Variants in SATB1 observed in about 807,000 individuals in gnomAD.
The protein encoded by SATB1 is DNA-binding protein SATB1.
Under a neutral mutation model 86.9 loss-of-function variants are expected in SATB1, and 11 were observed. The observed-to-expected ratio is 0.13, with a 90% CI of 0.08 to 0.21. The LOEUF is 0.21. Among genes scored for constraint, SATB1 ranks in the 10% least tolerant of loss-of-function variants. The probability of loss-of-function intolerance (pLI) is 1.00; values close to 1 mark genes in which losing one functional copy is unlikely to be tolerated. For missense variants in SATB1, 551 were observed against 937.6 expected, an observed-to-expected ratio of 0.59 and a Z score of 5.39; for synonymous variants, 357 against 357.2, an observed-to-expected ratio of 1.00 and a Z score of 0.01.
At chr3:18,431,889 G>A (rs1194424328) in intron 2 of SATB1, among the ~76,000 whole-genome samples, 3 of 152,120 alleles carry the variant, frequency 2.0e-5, no homozygotes, top group Non-Finnish European at 4.4e-5. Flanking sequence ...ACTAGCATTT[G>A]GGCACTTGTT....
chr3:18,354,961 T>C (rs1365208267), intron 9 of SATB1, among the ~76,000 whole-genome samples: 2 of 152,140 alleles, frequency 1.3e-5, no homozygotes, highest in Non-Finnish European at 2.9e-5. Context: ...TCCAGTAGTT[T>C]GCTATTAACC....
chr3:18,420,803 C>G lies in SATB1; in HGVS notation c.165G>C (p.Val55=). ...LGSTGAKMQG[V]PLKHSGHLMK... ...TCAGATGGCCCGAGTGTTTTAAAGG[C>G]ACTCCCTGCATTTTTGCACCTGTAC... is the stretch of plus-strand genomic sequence containing the variant. The change falls in exon 2 of 11, where the codon GTG becomes GTC. Residue 55 remains valine, a synonymous_variant. Coordinates refer to ENST00000338745, the MANE Select transcript of SATB1 (RefSeq NM_002971.6). The G allele has an allele frequency of 6.2e-7, 1 of 1,614,160 alleles. No individual in the cohort carries two copies. The highest frequency in any genetic ancestry group is 8.5e-7 in the Non-Finnish European group (1 of 1,180,040).
chr3:18,442,330 T>C (rs1006367754), upstream of SATB1, among the ~76,000 whole-genome samples: 2 of 152,196 alleles, frequency 1.3e-5, no homozygotes, highest in East Asian at 3.8e-4. Flanking sequence ...ATGTTAGATG[T>C]AGCATTATCC....
rs1694153473 is a variant in SATB1 at position 18,348,146 on chromosome 3, C to T, written c.*1024G>A. 6.6e-6 allele frequency: 1 copy of T among 152,490 alleles called. No individual in the cohort carries two copies. The highest frequency in any genetic ancestry group is 1.5e-5 in the Non-Finnish European group (1 of 67,996). The allele number at this position is 152,490 out of a possible 1,614,324, so 9.4% of individuals were successfully genotyped here. A position where few individuals can be genotyped will look rare whatever the true frequency, so the allele number is the denominator to read the frequency against. On this transcript the variant is annotated 3_prime_UTR_variant, in exon 11 of 11. Coordinates refer to ENST00000338745, the MANE Select transcript of SATB1 (RefSeq NM_002971.6). ...ATGTAGCTTTAAAATTGATTGTAAA[C>T]CAAAGGAAGACACATTGCAAACATC...
At chr3:18,392,008 C>T (rs1418647243) in intron 7 of SATB1, among the ~76,000 whole-genome samples, 2 of 152,144 alleles carry the variant, frequency 1.3e-5, no homozygotes, top group East Asian at 1.9e-4. Context: ...CAAACATCTT[C>T]AAATATGGCC....
chr3:18,436,375 G>A (rs895487980), intron 2 of SATB1, among the ~76,000 whole-genome samples: 2 of 152,010 alleles, frequency 1.3e-5, no homozygotes, highest in African/African-American at 4.8e-5. Context: ...AAGGAACTCA[G>A]GGGAGTGCTC....
At chr3:18,376,761 T>C (rs1333385373) in intron 9 of SATB1, among the ~76,000 whole-genome samples, 1 of 152,208 alleles carries the variant, frequency 6.6e-6, no homozygotes, top group Non-Finnish European at 1.5e-5. Flanking sequence ...CAAGCCATGA[T>C]TCATGACAGA....
intron 7 of SATB1, among the ~76,000 whole-genome samples, chr3:18,390,273 C>G (rs946833848): frequency 6.6e-6 from 1 of 152,040 alleles, no homozygotes; most frequent in Admixed American, 6.6e-5. Flanking sequence ...AACTTCAAAG[C>G]CCTCAGGAAG....
upstream of SATB1, among the ~76,000 whole-genome samples, chr3:18,425,929 A>C (rs1350849266): frequency 6.6e-6 from 1 of 152,010 alleles, no homozygotes; most frequent in Non-Finnish European, 1.5e-5. Flanking sequence ...CACACGCCAC[A>C]AAAGCCACAA....
At chr3:18,402,468 C>A (rs1236660296) in intron 5 of SATB1, among the ~76,000 whole-genome samples, 1 of 152,080 alleles carries the variant, frequency 6.6e-6, no homozygotes, top group Non-Finnish European at 1.5e-5. Context: ...AGCTTCCAGT[C>A]AAAAAACAGT....
intron 7 of SATB1, among the ~76,000 whole-genome samples, chr3:18,387,341 T>C (rs538247426): frequency 8.5e-5 from 13 of 152,232 alleles, no homozygotes; most frequent in Non-Finnish European, 1.2e-4. Flanking sequence ...ATTTTCAACA[T>C]TGCGAAAGTC....
chr3:18,374,944 A>G (rs544341736), intron 9 of SATB1, among the ~76,000 whole-genome samples: 138 of 152,180 alleles, frequency 9.1e-4, no homozygotes, highest in Non-Finnish European at 1.6e-3. Context: ...CCTGGGCTCA[A>G]AAGTTAAAAT....
At position 18,394,504 on chromosome 3, in the gene SATB1, G is replaced by A; in HGVS notation, c.1164C>T (p.Ile388=). The change falls in exon 7 of 11, where the codon ATC becomes ATT. Residue 388 remains isoleucine, a synonymous_variant. Transcript: ENST00000338745. This position sits in a 1 kb window ranked among gnomAD's most constrained non-coding sequence, Gnocchi z 5.9. ...WVRDELKRAG[I]SQAVFARVAF... ...CCACACGTGCAAATACCGCCTGGGA[G>A]ATTCCTGCTCGTTTCAGTTCATCGC... 1 of 1,614,216 alleles carries A rather than the reference G, an allele frequency of 6.2e-7. No homozygotes were observed. The highest frequency in any genetic ancestry group is 8.5e-7 in the Non-Finnish European group (1 of 1,180,042).
At chr3:18,381,912 G>T (rs1362101628) in intron 8 of SATB1, among the ~76,000 whole-genome samples, 2 of 151,998 alleles carry the variant, frequency 1.3e-5, no homozygotes, top group African/African-American at 4.8e-5. Context: ...TTCCTTCCAG[G>T]AACAGTATTA....
At chr3:18,360,106 T>C (rs929860388) in intron 9 of SATB1, among the ~76,000 whole-genome samples, 2 of 152,134 alleles carry the variant, frequency 1.3e-5, no homozygotes, top group Non-Finnish European at 2.9e-5. Context: ...TCAAGAAGAA[T>C]AGAGAACCAG....
intron 5 of SATB1, among the ~76,000 whole-genome samples, chr3:18,414,623 T>C (rs1309668338): frequency 1.3e-5 from 2 of 152,084 alleles, no homozygotes; most frequent in East Asian, 3.9e-4. Flanking sequence ...TTTTCATAAT[T>C]ATTTGTACTA....
chr3:18,444,478 C>T lies in SATB1; in HGVS notation c.-25+1040G>A. ...AGCCCTGCGCCCACGAGAGGGGAGC[C>T]CAGCCGCCCCAATAGGGGACGAGGA... On this transcript the variant is annotated intron_variant, in intron 1 of 3. Transcript: ENST00000415069. This position sits in a 1 kb window ranked among gnomAD's most constrained non-coding sequence, Gnocchi z 5.1. 6.3e-6 allele frequency: 4 copies of T among 637,120 alleles called. No homozygotes were observed. The highest frequency in any genetic ancestry group is 7.8e-6 in the Non-Finnish European group (4 of 511,744). The allele number at this position is 637,120 out of a possible 1,614,324, so 39.5% of individuals were successfully genotyped here. A position where few individuals can be genotyped will look rare whatever the true frequency, so the allele number is the denominator to read the frequency against.
intron 1 of SATB1, among the ~76,000 whole-genome samples, chr3:18,421,924 T>A (rs986048624): frequency 1.3e-5 from 2 of 151,634 alleles, no homozygotes; most frequent in African/African-American, 4.8e-5. Context: ...AACCTCAGCA[T>A]GCAATGGCAT....
chr3:18,423,211 T>C (rs1442461418), intron 1 of SATB1, among the ~76,000 whole-genome samples: 1 of 152,146 alleles, frequency 6.6e-6, no homozygotes, highest in Non-Finnish European at 1.5e-5. Context: ...TTACAACCCA[T>C]TTTAGTGCAA....
Sources: gnomAD v4.1 joint callset for allele counts (sites outside exome capture counted in the v4.1 genomes callset) on GRCh38, gnomAD v4.1.1 for gene constraint, Gnocchi (gnomAD v3.1) non-coding constraint, MANE v1.5 for transcripts, NCBI Gene and HGNC (gene_info 2026-07-23, HGNC 2026-07-21) for gene names.